The following HCN3 variants were observed in gnomAD, a reference collection of about 807,000 sequenced individuals.
The protein encoded by HCN3 is hyperpolarization activated cyclic nucleotide gated potassium channel 3.
Under a neutral mutation model 56.8 loss-of-function variants are expected in HCN3, and 36 were observed. The ratio of observed to expected loss-of-function variants is 0.63; its 90% CI spans 0.49 to 0.84. HCN3 has a LOEUF of 0.84. HCN3 is among the 40% of genes least tolerant of loss of function. The pLI is 0.00. For missense variants in HCN3, 930 were observed against 1,079.3 expected, an observed-to-expected ratio of 0.86 and a Z score of 1.94; for synonymous variants, 425 against 439.7, an observed-to-expected ratio of 0.97 and a Z score of 0.42.
chr1:155,288,134 G>T lies in HCN3; in HGVS notation c.1996G>T (p.Ala666Ser), dbSNP rs956648618. 1.0e-5 allele frequency: 16 copies of T among 1,594,844 alleles called. No homozygotes were observed. Among genetic ancestry groups the T allele is most frequent in the Non-Finnish European group, 1.3e-5 (15 of 1,174,394 alleles). ...GGTGCCCGTCCGAGCTGGCCCATGGGCATCCACCTCCCGCCTGCCCGCCCC... is the reference window on the plus strand; with the variant it reads ...GGTGCCCGTCCGAGCTGGCCCATGGTCATCCACCTCCCGCCTGCCCGCCCC... ...PLVPVRAGPW[A>S]STSRLPAPPA... is the part of the protein sequence containing the mutation. The change falls in exon 8 of 8, where the codon GCA becomes TCA. Residue 666 changes from alanine to serine, a missense_variant. Physicochemically the swap from Ala to Ser is moderately conservative, Grantham distance 99. Transcript: ENST00000368358. This position sits in a 1 kb window ranked among gnomAD's most constrained non-coding sequence, Gnocchi z 6.5.
At chr1:155,286,748 C>T (rs1165535481) in intron 6 of HCN3, among the ~76,000 whole-genome samples, 4 of 127,670 alleles carry the variant, frequency 3.1e-5, no homozygotes, top group Non-Finnish European at 4.7e-5. Context: ...TCATGTTGCA[C>T]TTTGCTCTTT....
chr1:155,277,567 G>A lies in HCN3; in HGVS notation c.-24G>A, dbSNP rs769056010. 4 of 1,551,008 alleles carry A rather than the reference G, an allele frequency of 2.6e-6. No homozygotes were observed. Among genetic ancestry groups the A allele is most frequent in the South Asian group, 2.4e-5 (2 of 83,698 alleles). On this transcript the variant is annotated 5_prime_UTR_variant, in exon 1 of 8. Transcript: ENST00000368358. The stretch of plus-strand genomic sequence containing the variant: ...TGGCCACAGAGGGCTCTAGGAGGCC[G>A]AGCGTGTAAGCGGGGTGGGCGCCAT...
intron 1 of HCN3, among the ~76,000 whole-genome samples, chr1:155,281,462 G>A (rs935160613): frequency 2.0e-5 from 3 of 151,474 alleles, no homozygotes; most frequent in Non-Finnish European, 2.9e-5. Context: ...TCTGCCTTCC[G>A]GGTTCATGCC....
chr1:155,286,302 C>T (rs539661366), intron 6 of HCN3, among the ~76,000 whole-genome samples: 7 of 152,260 alleles, frequency 4.6e-5, no homozygotes, highest in South Asian at 4.1e-4. Context: ...CCCGCCACCA[C>T]GCCTGGCTAA....
chr1:155,284,383 G>A lies in HCN3; in HGVS notation c.871-156G>A, dbSNP rs1674192651. 1 of 914,670 alleles carries A rather than the reference G, an allele frequency of 1.1e-6. No individual in the cohort carries two copies. The highest frequency in any genetic ancestry group is 1.8e-5 in the South Asian group (1 of 56,664). 56.7% of individuals were successfully genotyped at this position (914,670 alleles called of 1,614,324 possible). Reference sequence around the variant, plus strand: ...CCAAGTTGCAATAGAGGACCCTTTTGCCTCAGGGCCCCCCAGAACCAAACT... The same window carrying A: ...CCAAGTTGCAATAGAGGACCCTTTTACCTCAGGGCCCCCCAGAACCAAACT... On this transcript the variant is annotated intron_variant, in intron 3 of 7. Coordinates refer to ENST00000368358, the MANE Select transcript of HCN3 (RefSeq NM_020897.3). The surrounding 1 kb of genome is among the most constrained non-coding windows in gnomAD (Gnocchi z 4.3).
chr1:155,287,836 T>C lies in HCN3; in HGVS notation c.1698T>C (p.Ser566=). 1.2e-6 allele frequency: 2 copies of C among 1,612,416 alleles called. No individual in the cohort carries two copies. The highest frequency in any genetic ancestry group is 1.3e-5 in the African/African-American group (1 of 75,004). Residue 566 remains serine, a synonymous_variant, in exon 8 of 8, where the codon AGT becomes AGC. Coordinates refer to ENST00000368358, the MANE Select transcript of HCN3 (RefSeq NM_020897.3). The part of the protein sequence containing the change: ...RKRSEPSPGS[S]GGIMEQHLVQ... Reference sequence around the variant, plus strand: ...GCTCCGAGCCAAGTCCAGGCAGCAGTGGTGGCATCATGGAGCAGCACTTGG... The same window carrying C: ...GCTCCGAGCCAAGTCCAGGCAGCAGCGGTGGCATCATGGAGCAGCACTTGG...
rs143660999 is a variant in HCN3 at position 155,282,562 on chromosome 1, A to G, written c.430A>G (p.Asn144Asp). ...DTFFLLDLVLNFRTGIVVEEG... is the reference protein window; with the variant it reads ...DTFFLLDLVLDFRTGIVVEEG... ...TTTCTTCCTACTGGATCTGGTGCTC[A>G]ACTTCCGAACGGGCATCGTGGTGGA... The change falls in exon 2 of 8, where the codon AAC (asparagine) becomes GAC (aspartate). Residue 144 changes from asparagine (N) to aspartate (D), a missense_variant. Transcript: ENST00000368358. The surrounding 1 kb of genome is among the most constrained non-coding windows in gnomAD (Gnocchi z 4.7). 5.0e-6 allele frequency: 8 copies of G among 1,614,094 alleles called. No individual in the cohort carries two copies. Among genetic ancestry groups the G allele is most frequent in the Non-Finnish European group, 2.5e-6 (3 of 1,180,048 alleles).
intron 1 of HCN3, 128 bp downstream of exon 1, chr1:155,277,996 G>A: frequency 8.4e-7 from 1 of 1,186,600 alleles, no homozygotes; most frequent in Non-Finnish European, 1.2e-6. Flanking sequence ...TGGTGGGGCG[G>A]GAGAGTCACT....
rs753075187 is a variant in HCN3, at chr1:155,277,854, C to G, written c.264C>G (p.Pro88=). ...CAGCGGGGGCCTGGATCATCCACCC[C>G]TACAGCGACTTCCGGTATTGGGGGC... ...VKSAGAWIIH[P]YSDFRFYWDL... is the part of the protein sequence containing the mutation. Residue 88 remains proline, a synonymous_variant, in exon 1 of 8, where the codon CCC becomes CCG. Transcript: ENST00000368358. 7 of 1,611,882 alleles carry G rather than the reference C, an allele frequency of 4.3e-6. No homozygotes were observed. Among genetic ancestry groups the G allele is most frequent in the Non-Finnish European group, 5.9e-6 (7 of 1,179,888 alleles).
chr1:155,284,583 C>T lies in HCN3; in HGVS notation c.915C>T (p.Ala305=). ...GRQYSHALFK[A]MSHMLCIGYG... The stretch of plus-strand genomic sequence containing the variant: ...AGTATTCCCATGCCCTGTTCAAGGC[C>T]ATGAGCCACATGCTGTGCATTGGCT... The change falls in exon 4 of 8, where the codon GCC becomes GCT. Residue 305 remains alanine, a synonymous_variant. Transcript: ENST00000368358. The surrounding 1 kb of genome is among the most constrained non-coding windows in gnomAD (Gnocchi z 4.3). 3 of 1,613,586 alleles carry T rather than the reference C, an allele frequency of 1.9e-6. No individual in the cohort carries two copies. The highest frequency in any genetic ancestry group is 2.5e-6 in the Non-Finnish European group (3 of 1,180,044).
rs561120197 is a variant in HCN3 at position 155,277,545 on chromosome 1, CCA to C, written c.-43_-42del. ...TGGAGGGGTTGCGGGTACCTGATGGCCACAGAGGGCTCTAGGAGGCCGAGCGT... is the reference window on the plus strand; with the variant it reads ...TGGAGGGGTTGCGGGTACCTGATGGCCAGAGGGCTCTAGGAGGCCGAGCGT... On this transcript the variant is annotated 5_prime_UTR_variant, in exon 1 of 8. An upstream open reading frame in the 5' UTR gains an earlier in-frame stop. Transcript: ENST00000368358. 7 of 1,520,872 alleles carry C rather than the reference CCA, an allele frequency of 4.6e-6. No individual in the cohort carries two copies. The highest frequency in any genetic ancestry group is 6.2e-6 in the Non-Finnish European group (7 of 1,134,878). The allele number at this position is 1,520,872 out of a possible 1,614,324, so 94.2% of individuals were successfully genotyped here.
At chr1:155,283,843 T>G in intron 2 of HCN3, 131 bp from the exon 3 acceptor site, 2 of 866,552 alleles carry the variant, frequency 2.3e-6, no homozygotes, top group Non-Finnish European at 3.5e-6. Context: ...AAATGAATAA[T>G]AGTTGTATTT....
In HCN3 at chr1:155,284,670, A is replaced by G; in HGVS notation, c.1002A>G (p.Val334=). The G allele has an allele frequency of 6.2e-7, 1 of 1,614,234 alleles. No homozygotes were observed. Among genetic ancestry groups the G allele is most frequent in the Non-Finnish European group, 8.5e-7 (1 of 1,180,046 alleles). ...GGCTCACCATGCTCAGCATGATCGT[A>G]GGTGCCACATGCTACGCCATGTTCA... is the stretch of plus-strand genomic sequence containing the variant. ...DVWLTMLSMI[V]GATCYAMFIG... The change falls in exon 4 of 8, where the codon GTA becomes GTG. Residue 334 remains valine, a synonymous_variant. Transcript: ENST00000368358. This position sits in a 1 kb window ranked among gnomAD's most constrained non-coding sequence, Gnocchi z 4.3.
intron 1 of HCN3, among the ~76,000 whole-genome samples, chr1:155,279,360 C>A (rs1022002917): frequency 2.6e-5 from 4 of 152,228 alleles, no homozygotes; most frequent in African/African-American, 7.2e-5. Flanking sequence ...CTGCCCATGC[C>A]TCTGCCTGTG....
Position 155,285,306 on chromosome 1 carries a change from C to G in HCN3, c.1231C>G (p.Arg411Gly), listed in dbSNP as rs370145616. 2.5e-6 allele frequency: 4 copies of G among 1,613,868 alleles called. No homozygotes were observed. Among genetic ancestry groups the G allele is most frequent in the Admixed American group, 1.7e-5 (1 of 60,022 alleles). ...CCTGGGCGAGCTGAGCGAGCCGCTT[C>G]GCGAGGTGGGGCTGGGTTGGGCCTG... Reference protein sequence around the residue: ...SILGELSEPLREEIINFTCRG... With the variant: ...SILGELSEPLGEEIINFTCRG... The change falls in exon 5 of 8, where the codon CGC (arginine) becomes GGC (glycine). Residue 411 changes from arginine (R) to glycine (G), a missense_variant. Physicochemically the swap from Arg to Gly is moderately radical, Grantham distance 125. Transcript: ENST00000368358. The surrounding 1 kb of genome is among the most constrained non-coding windows in gnomAD (Gnocchi z 4.5).
At position 155,288,106 on chromosome 1, in the gene HCN3, G is replaced by C; in HGVS notation, c.1968G>C (p.Pro656=). ...GCTCAGCAGGCTCTCCAGCTTCCCC[G>C]CTGGTGCCCGTCCGAGCTGGCCCAT... ...AWRSAGSPAS[P]LVPVRAGPWA... Residue 656 remains proline (P), a synonymous_variant, in exon 8 of 8, where the codon CCG becomes CCC. Coordinates refer to ENST00000368358, the MANE Select transcript of HCN3 (RefSeq NM_020897.3). This position sits in a 1 kb window ranked among gnomAD's most constrained non-coding sequence, Gnocchi z 6.5. The C allele has an allele frequency of 6.2e-7, 1 of 1,607,216 alleles. No individual in the cohort carries two copies. The highest frequency in any genetic ancestry group is 8.5e-7 in the Non-Finnish European group (1 of 1,178,506).
In HCN3 at chr1:155,282,519, C is replaced by T. The variant is rs1557946487; in HGVS notation, c.387C>T (p.Phe129=). Residue 129 remains phenylalanine, a synonymous_variant, in exon 2 of 8, where the codon TTC becomes TTT. Coordinates refer to ENST00000368358, the MANE Select transcript of HCN3 (RefSeq NM_020897.3). This position sits in a 1 kb window ranked among gnomAD's most constrained non-coding sequence, Gnocchi z 4.7. ...AGAACTCCCCGCCTTGGATCGTCTT[C>T]AACGTATTGTCTGATACTTTCTTCC... is the stretch of plus-strand genomic sequence containing the variant. ...KEENSPPWIV[F]NVLSDTFFLL... is the part of the protein sequence containing the mutation. 9.9e-6 allele frequency: 16 copies of T among 1,614,260 alleles called. No homozygotes were observed. The highest frequency in any genetic ancestry group is 1.4e-5 in the Non-Finnish European group (16 of 1,180,048).
chr1:155,277,836 G>T lies in HCN3; in HGVS notation c.246G>T (p.Gly82=). The T allele has an allele frequency of 6.2e-7, 1 of 1,612,244 alleles. No individual in the cohort carries two copies. Among genetic ancestry groups the T allele is most frequent in the Non-Finnish European group, 8.5e-7 (1 of 1,179,974 alleles). ...AGCAGGAGCGGGTGAAGTCAGCGGG[G>T]GCCTGGATCATCCACCCCTACAGCG... ...EIEQERVKSA[G]AWIIHPYSDF... Residue 82 remains glycine, a synonymous_variant, in exon 1 of 8, where the codon GGG becomes GGT. Coordinates refer to ENST00000368358, the MANE Select transcript of HCN3 (RefSeq NM_020897.3).
In HCN3 at chr1:155,285,251, C is replaced by T. The variant is rs775847877; in HGVS notation, c.1176C>T (p.Tyr392=). The change falls in exon 5 of 8, where the codon TAC becomes TAT. Residue 392 remains tyrosine (Y), a synonymous_variant. Coordinates refer to ENST00000368358, the MANE Select transcript of HCN3 (RefSeq NM_020897.3). The surrounding 1 kb of genome is among the most constrained non-coding windows in gnomAD (Gnocchi z 4.5). The stretch of plus-strand genomic sequence containing the variant: ...TCCACGAGTACTATGAGCACCGCTA[C>T]CAGGGCAAGATGTTCGATGAGGAAA... ...QRIHEYYEHR[Y]QGKMFDEESI... The T allele has an allele frequency of 2.1e-5, 34 of 1,614,102 alleles. No individual in the cohort carries two copies. The highest frequency in any genetic ancestry group is 3.3e-4 in the Middle Eastern group (2 of 6,066).
Sources: gnomAD v4.1 joint callset for allele counts (sites outside exome capture counted in the v4.1 genomes callset) on GRCh38, gnomAD v4.1.1 for gene constraint, Gnocchi (gnomAD v3.1) non-coding constraint, MANE v1.5 for transcripts, NCBI Gene and HGNC (gene_info 2026-07-23, HGNC 2026-07-21) for gene names.